The following EFHD1 variants were observed in gnomAD, a reference collection of about 807,000 sequenced individuals.
EFHD1 encodes the protein EF-hand domain family member D1, also known as EF-hand domain-containing protein D1.
A neutral mutation model predicts 17.2 loss-of-function variants in EFHD1; 10 were observed. That is an observed-to-expected ratio of 0.58 (90% CI 0.36 to 0.99). The LOEUF is 0.99. EFHD1 is among the 50% of genes least tolerant of loss of function. The pLI is 0.01. For missense variants in EFHD1, 310 were observed against 327.5 expected (o/e 0.95, Z 0.41); for synonymous variants, 153 against 142.0 (o/e 1.08, Z -0.55).
chr2:232,672,392 C>A lies in EFHD1; in HGVS notation c.534C>A (p.Ile178=). The change falls in exon 3 of 4, where the codon ATC becomes ATA. Residue 178 remains isoleucine (I), a synonymous_variant. Coordinates refer to ENST00000264059, the MANE Select transcript of EFHD1 (RefSeq NM_025202.4). The stretch of plus-strand genomic sequence containing the variant: ...TGGCGCTGGCAAAGCTTTCTGAGAT[C>A]GATGTGGCCCTGGAGGGTGTCAAAG... The part of the protein sequence containing the change: ...GLMALAKLSE[I]DVALEGVKGA... The A allele has an allele frequency of 6.2e-7, 1 of 1,613,824 alleles. No individual in the cohort carries two copies. Among genetic ancestry groups the A allele is most frequent in the Non-Finnish European group, 8.5e-7 (1 of 1,179,854 alleles).
chr2:232,625,336 G>A (rs1052931508), intron 1 of EFHD1, among the ~76,000 whole-genome samples: 18 of 149,570 alleles, frequency 1.2e-4, no homozygotes, highest in Non-Finnish European at 1.8e-4. Context: ...ATGGGATCTC[G>A]CTATGTTGCC....
Position 232,679,348 on chromosome 2 carries a change from C to T in EFHD1, c.586-2237C>T, listed in dbSNP as rs541699123. Among the ~76,000 whole-genome samples, 148 of 151,864 alleles carry T rather than the reference C, an allele frequency of 9.7e-4. 2 individuals are homozygous for T. The South Asian group carries it at 0.02, about 21-fold the overall frequency. ...GAGAAAGGAACTAAAATATGTATAA[C>T]CAGAGACTAATACCTAGTATTTATG... is the stretch of plus-strand genomic sequence containing the variant. On this transcript the variant is annotated intron_variant, in intron 3 of 3. Coordinates refer to ENST00000264059, the MANE Select transcript of EFHD1 (RefSeq NM_025202.4).
Position 232,662,966 on chromosome 2 carries a change from G to A in EFHD1, c.450+17G>A, listed in dbSNP as rs1206077784. 5 of 1,560,902 alleles carry A rather than the reference G, an allele frequency of 3.2e-6. No homozygotes were observed. The highest frequency in any genetic ancestry group is 2.4e-5 in the East Asian group (1 of 41,124). Reference sequence around the variant, plus strand: ...TTCCGGGAGGTACCTGCCTGCTGTGGCCCTGAGCCCCTGTGGGGTGCCCCT... The same window carrying A: ...TTCCGGGAGGTACCTGCCTGCTGTGACCCTGAGCCCCTGTGGGGTGCCCCT... On this transcript the variant is annotated intron_variant, in intron 2 of 3. Transcript: ENST00000264059.
upstream of EFHD1, among the ~76,000 whole-genome samples, chr2:232,632,082 T>C (rs1480525105): frequency 6.6e-6 from 1 of 151,998 alleles, no homozygotes; most frequent in Non-Finnish European, 1.5e-5. Context: ...TTCTCTGAAA[T>C]GTGTCACATA....
intron 1 of EFHD1, among the ~76,000 whole-genome samples, chr2:232,627,017 T>TCC (rs1694112502): frequency 2.1e-5 from 1 of 47,946 alleles, no homozygotes; most frequent in African/African-American, 8.7e-5. Flanking sequence ...AGATCCTGTC[T>TCC]CTCTCTCTCT....
At chr2:232,650,662 G>A (rs1255762907) in intron 1 of EFHD1, among the ~76,000 whole-genome samples, 2 of 146,288 alleles carry the variant, frequency 1.4e-5, no homozygotes, top group Non-Finnish European at 3.0e-5. Flanking sequence ...TCTGCCTCCC[G>A]GGTTCAAGCA....
At chr2:232,668,485 T>C (rs371490777) in intron 2 of EFHD1, among the ~76,000 whole-genome samples, 1 of 152,122 alleles carries the variant, frequency 6.6e-6, no homozygotes, top group Non-Finnish European at 1.5e-5. Flanking sequence ...TTCCAGTTCA[T>C]GAAGCCCGTC....
At chr2:232,654,257 C>G (rs1040663380) in intron 1 of EFHD1, among the ~76,000 whole-genome samples, 1 of 151,380 alleles carries the variant, frequency 6.6e-6, no homozygotes, top group Non-Finnish European at 1.5e-5. Context: ...TCAATATTTC[C>G]TAAGCTTGCC....
intron 3 of EFHD1, 43 bp from the exon 4 acceptor site, chr2:232,681,542 C>T: frequency 6.3e-7 from 1 of 1,598,916 alleles, no homozygotes; most frequent in South Asian, 1.1e-5. Context: ...GGGTCCTCTG[C>T]CCTCCCTTAC....
intron 2 of EFHD1, among the ~76,000 whole-genome samples, chr2:232,665,054 G>A (rs1694945713): frequency 6.6e-6 from 1 of 152,016 alleles, no homozygotes; most frequent in South Asian, 2.1e-4. Flanking sequence ...TGGACCACAG[G>A]CACGTACCAC....
intron 2 of EFHD1, among the ~76,000 whole-genome samples, chr2:232,669,333 C>T (rs1457349338): frequency 6.6e-6 from 1 of 152,200 alleles, no homozygotes; most frequent in Non-Finnish European, 1.5e-5. Flanking sequence ...CCGTCGGCCT[C>T]TCCGTGGGCA....
intron 2 of EFHD1, among the ~76,000 whole-genome samples, chr2:232,668,825 G>A (rs1368781705): frequency 6.6e-6 from 1 of 152,018 alleles, no homozygotes; most frequent in East Asian, 1.9e-4. Context: ...GTAGAGATGG[G>A]GTTTCACCAT....
In EFHD1 at chr2:232,672,199, T is replaced by C. The variant is rs1436732618; in HGVS notation, c.451-110T>C. The C allele has an allele frequency of 4.1e-6, 6 of 1,474,974 alleles. No homozygotes were observed. The Admixed American group carries it at 8.5e-5, about 21-fold the overall frequency. The allele number at this position is 1,474,974 out of a possible 1,614,324, so 91.4% of individuals were successfully genotyped here. A position where few individuals can be genotyped will look rare whatever the true frequency, so the allele number is the denominator to read the frequency against. On this transcript the variant is annotated intron_variant, in intron 2 of 3. Transcript: ENST00000264059. ...AAAAGTAATTTGCCACATGCATACA[T>C]AAACATCTTTCTTAAGTGATTGGCA...
chr2:232,663,440 C>G (rs1694912661), intron 2 of EFHD1, among the ~76,000 whole-genome samples: 1 of 151,240 alleles, frequency 6.6e-6, no homozygotes, highest in Admixed American at 6.6e-5. Context: ...GGTGTGATCT[C>G]AGCCCACCGC....
chr2:232,627,055 TATATATATA>T (rs1262165234), intron 1 of EFHD1, among the ~76,000 whole-genome samples: 34 of 115,618 alleles, frequency 2.9e-4, no homozygotes, highest in African/African-American at 1.1e-3. Context: ...TATATATATA[TATATATATA>T]TTTTTTTTTT....
chr2:232,612,437 A>G (rs1342382196), intron 1 of EFHD1, among the ~76,000 whole-genome samples: 1 of 152,222 alleles, frequency 6.6e-6, no homozygotes, highest in African/African-American at 2.4e-5. Context: ...TAATAAGACA[A>G]ACATCTCAAC....
intron 1 of EFHD1, among the ~76,000 whole-genome samples, chr2:232,659,153 A>G (rs920558339): frequency 6.6e-6 from 1 of 152,030 alleles, no homozygotes; most frequent in African/African-American, 2.4e-5. Flanking sequence ...GGTTCCTCAA[A>G]GCTCACCAAC....
intron 1 of EFHD1, among the ~76,000 whole-genome samples, chr2:232,613,122 TATATGAAAGC>T (rs1299625039): frequency 7.9e-5 from 12 of 151,866 alleles, no homozygotes; most frequent in Admixed American, 7.9e-4. Flanking sequence ...CACCAAAAAA[TATATGAAAGC>T]ATATGTCCAG....
chr2:232,653,186 G>T (rs1474875734), intron 1 of EFHD1, among the ~76,000 whole-genome samples: 1 of 152,110 alleles, frequency 6.6e-6, no homozygotes, highest in African/African-American at 2.4e-5. Context: ...TAGAGACAGG[G>T]TTTTGCCATG....
Sources: allele counts gnomAD v4.1 joint callset (sites outside exome capture counted in the v4.1 genomes callset), GRCh38; gene constraint gnomAD v4.1.1; transcripts MANE v1.5; gene names NCBI Gene and HGNC (gene_info 2026-07-23, HGNC 2026-07-21).